Variants in AGRN observed in about 807,000 individuals in gnomAD.
AGRN encodes agrin.
A neutral mutation model predicts 211.0 loss-of-function variants in AGRN; 106 were observed. The ratio of observed to expected loss-of-function variants is 0.50; its 90% CI spans 0.43 to 0.59. The LOEUF is 0.59. Ranked by LOEUF, AGRN falls within the 20% of genes least tolerant of loss-of-function variation. The probability of loss-of-function intolerance (pLI) is 0.00; values close to 1 mark genes in which losing one functional copy is unlikely to be tolerated. For synonymous variants in AGRN, 1,525 were observed against 1,332.5 expected, an observed-to-expected ratio of 1.14 and a Z score of -3.15; for missense variants, 3,040 against 2,982.6, an observed-to-expected ratio of 1.02 and a Z score of -0.45.
chr1:1,028,526 C>T (rs1294944487), intron 2 of AGRN, among the ~76,000 whole-genome samples: 1 of 142,076 alleles, frequency 7.0e-6, no homozygotes, highest in East Asian at 2.0e-4. Flanking sequence ...CGAGCCCCAG[C>T]CCCTCATGGG....
rs889037592 is a variant in AGRN at position 1,025,930 on chromosome 1, G to A, written c.463+3468G>A. Among the ~76,000 whole-genome samples the A allele has an allele frequency of 8.5e-5, 13 of 152,286 alleles. No individual in the cohort carries two copies. The South Asian group carries it at 1.2e-3, about 15-fold the overall frequency. ...TCGGGGCTCGGTGCTTCCCGCCTGC[G>A]TGAATGGACTTGTCCCGTCTTTGAC... On this transcript the variant is annotated intron_variant, in intron 2 of 35. Coordinates refer to ENST00000379370, the MANE Select transcript of AGRN (RefSeq NM_198576.4).
At chr1:1,042,738 C>G (rs958551389) in intron 7 of AGRN, among the ~76,000 whole-genome samples, 2 of 152,198 alleles carry the variant, frequency 1.3e-5, no homozygotes, top group South Asian at 4.1e-4. Flanking sequence ...TCCAGGAGCC[C>G]GCAGCCCGAG....
In AGRN at chr1:1,048,238, C is replaced by T; in HGVS notation, c.3978C>T (p.Pro1326=). Residue 1326 remains proline, a synonymous_variant, in exon 23 of 36, where the codon CCC becomes CCT. Coordinates refer to ENST00000379370, the MANE Select transcript of AGRN (RefSeq NM_198576.4). The surrounding 1 kb of genome is among the most constrained non-coding windows in gnomAD (Gnocchi z 5.9). ...SRVPGRRPPA[P]QQPPKPCDSQ... is the part of the protein sequence containing the mutation. ...TGCCCGGACGTCGGCCCCCGGCCCC[C>T]CAGCAGCCTCCAAAGCCCTGTGACT... 6.5e-7 allele frequency: 1 copy of T among 1,544,444 alleles called. No individual in the cohort carries two copies.
intron 2 of AGRN, among the ~76,000 whole-genome samples, chr1:1,033,448 C>T (rs1470019219): frequency 2.6e-5 from 4 of 151,496 alleles, no homozygotes; most frequent in Non-Finnish European, 5.9e-5. Context: ...GTGCGGGGCG[C>T]GGACCCGCCC....
intron 2 of AGRN, chr1:1,034,161 G>GGC: frequency 1.0e-6 from 1 of 985,090 alleles, no homozygotes; most frequent in African/African-American, 1.7e-5. Flanking sequence ...GCAGACCCTC[G>GGC]GCGCCCGGCC....
rs1644426193 is a variant in AGRN, at chr1:1,022,405, T to C, written c.406T>C (p.Ser136Pro). 1.9e-6 allele frequency: 3 copies of C among 1,613,198 alleles called. No homozygotes were observed. ...CCACAAGAACGAGCTGATGCTCAACTCCAGCCTCATGCGGATCACCCTGCG... is the reference window on the plus strand; with the variant it reads ...CCACAAGAACGAGCTGATGCTCAACCCCAGCCTCATGCGGATCACCCTGCG... Reference protein sequence around the residue: ...PAHKNELMLNSSLMRITLRNL... With the variant: ...PAHKNELMLNPSLMRITLRNL... Residue 136 changes from serine to proline, a missense_variant, in exon 2 of 36, where the codon TCC becomes CCC. This residue lies in a region of AGRN where 1,498 missense variants were observed against 1,457.8 expected (regional missense o/e 1.03). Coordinates refer to ENST00000379370, the MANE Select transcript of AGRN (RefSeq NM_198576.4).
At position 1,052,513 on chromosome 1, in the gene AGRN, C is replaced by T. The variant is rs938240671; in HGVS notation, c.5651+698C>T. ...ATGAGGGAGACATGCAGGTATGTGT[C>T]CGTGTGTGTGTGTGTGCATATGGGT... On this transcript the variant is annotated intron_variant, in intron 33 of 35. Transcript: ENST00000379370. 25 of 194,196 alleles carry T rather than the reference C, an allele frequency of 1.3e-4. No homozygotes were observed. The Admixed American group carries it at 1.9e-3, about 15-fold the overall frequency. 12.0% of individuals were successfully genotyped at this position (194,196 alleles called of 1,614,324 possible).
chr1:1,032,550 C>A lies in AGRN; in HGVS notation c.464-2727C>A, dbSNP rs1644695946. On this transcript the variant is annotated intron_variant, in intron 2 of 35. Coordinates refer to ENST00000379370, the MANE Select transcript of AGRN (RefSeq NM_198576.4). This position sits in a 1 kb window ranked among gnomAD's most constrained non-coding sequence, Gnocchi z 4.7. ...AGGCAGCAGGTGTGGGCAGTGGGTC[C>A]TCTGGGGTGGACTGAGGTGAGGCCT... Among the ~76,000 whole-genome samples the A allele has an allele frequency of 2.6e-5, 4 of 152,118 alleles. No individual in the cohort carries two copies. The South Asian group carries it at 8.3e-4, about 31-fold the overall frequency.
intron 2 of AGRN, chr1:1,034,707 G>A: frequency 1.0e-6 from 1 of 996,912 alleles, no homozygotes; most frequent in African/African-American, 1.7e-5. Flanking sequence ...AACAACTGTA[G>A]GTGGCCGCGG....
At chr1:1,050,657 C>T (rs930764211) in intron 29 of AGRN, 66 bp downstream of exon 29, 13 of 1,603,048 alleles carry the variant, frequency 8.1e-6, no homozygotes, top group African/African-American at 5.4e-5. Context: ...ACCAGCAGGT[C>T]GCTCAGGCCC....
chr1:1,051,953 G>A (rs760200203), intron 33 of AGRN, 138 bp downstream of exon 33: 50 of 1,548,170 alleles, frequency 3.2e-5, no homozygotes, highest in Non-Finnish European at 4.0e-5. Context: ...CTCACCTCCC[G>A]GTCCTCCCGC....
chr1:1,029,414 G>GATCA (rs1557687888), intron 2 of AGRN, among the ~76,000 whole-genome samples: 4 of 75,322 alleles, frequency 5.3e-5, no homozygotes, highest in Non-Finnish European at 1.3e-4. Flanking sequence ...CAGGTGGGGG[G>GATCA]GACATCAGTG....
rs150061172 is a variant in AGRN, at chr1:1,043,909, G to A, written c.1885G>A (p.Gly629Ser). ...TCCCCGGTGTGAGCACCCCCCGCCCGGCCCCGTGTGTGGCAGCGACGGTGT... is the reference window on the plus strand; with the variant it reads ...TCCCCGGTGTGAGCACCCCCCGCCCAGCCCCGTGTGTGGCAGCGACGGTGT... ...VCPRCEHPPP[G>S]PVCGSDGVTY... Residue 629 changes from glycine to serine, a missense_variant, in exon 10 of 36, where the codon GGC (glycine) becomes AGC (serine). Gly to Ser is a moderately conservative substitution (Grantham distance 56). Transcript: ENST00000379370. 38 of 1,609,974 alleles carry A rather than the reference G, an allele frequency of 2.4e-5. No homozygotes were observed. Among genetic ancestry groups the A allele is most frequent in the Admixed American group, 1.0e-4 (6 of 59,912 alleles).
At chr1:1,049,166 G>C (rs553912438) in intron 24 of AGRN, 70 bp from the exon 25 acceptor site, 1 of 1,341,060 alleles carries the variant, frequency 7.5e-7, no homozygotes, top group African/African-American at 1.6e-5. Flanking sequence ...GGACGGGGGC[G>C]GGGCAGCTCA....
chr1:1,046,978 G>A (rs755527394), intron 19 of AGRN, 21 bp downstream of exon 19: 2 of 1,567,324 alleles, frequency 1.3e-6, no homozygotes, highest in Admixed American at 3.8e-5. Context: ...GGCTGGGCGA[G>A]GGGAGTGTGA....
rs114362721 is a variant in AGRN, at chr1:1,021,660, G to A, written c.202-541G>A. ...TCAGGGCCCCAGGAGCTGAGAAGGT[G>A]GAGGGTGGGGCACCCTGCACTGCCC... On this transcript the variant is annotated intron_variant, in intron 1 of 35. Transcript: ENST00000379370. Among the ~76,000 whole-genome samples the A allele has an allele frequency of 3.5e-3, 528 of 152,368 alleles. 1 individual carries two copies. Among genetic ancestry groups the A allele is most frequent in the Non-Finnish European group, 5.9e-3 (403 of 68,028 alleles).
chr1:1,050,659 C>G, intron 29 of AGRN, 67 bp from the exon 30 acceptor site: 1 of 1,603,950 alleles, frequency 6.2e-7, no homozygotes, highest in South Asian at 1.1e-5. Flanking sequence ...CAGCAGGTCG[C>G]TCAGGCCCTG....
rs1432955053 is a variant in AGRN, at chr1:1,048,446, G to A, written c.4105+81G>A. The A allele has an allele frequency of 5.9e-6, 7 of 1,190,516 alleles. No homozygotes were observed. The Middle Eastern group carries it at 1.2e-3, about 197-fold the overall frequency. 73.7% of individuals were successfully genotyped at this position (1,190,516 alleles called of 1,614,324 possible). On this transcript the variant is annotated intron_variant, in intron 23 of 35. Coordinates refer to ENST00000379370, the MANE Select transcript of AGRN (RefSeq NM_198576.4). This position sits in a 1 kb window ranked among gnomAD's most constrained non-coding sequence, Gnocchi z 5.9. ...TGGGGGTGGGGCTAAGCCACCATCAGGCTTTGAGTTGGGGGCAGGAGCCCG... is the reference window on the plus strand; with the variant it reads ...TGGGGGTGGGGCTAAGCCACCATCAAGCTTTGAGTTGGGGGCAGGAGCCCG...
chr1:1,054,344 A>T (rs1645394476), intron 34 of AGRN, 104 bp from the exon 35 acceptor site: 1 of 1,112,826 alleles, frequency 9.0e-7, no homozygotes, highest in Admixed American at 2.0e-5. Context: ...GGGGTTCTCC[A>T]GGCTGAGGCA....
Sources: gnomAD v4.1 joint callset for allele counts (sites outside exome capture counted in the v4.1 genomes callset) on GRCh38, gnomAD v4.1.1 for gene constraint, gnomAD v4.1.1 regional missense constraint, Gnocchi (gnomAD v3.1) non-coding constraint, MANE v1.5 for transcripts, NCBI Gene and HGNC (gene_info 2026-07-23, HGNC 2026-07-21) for gene names.